Variants in CACNA2D1 observed in about 807,000 individuals in gnomAD.
The protein encoded by CACNA2D1 is voltage-dependent calcium channel subunit alpha-2/delta-1.
CACNA2D1 carries 53 observed loss-of-function variants against 171.5 expected under a neutral mutation model. The ratio of observed to expected loss-of-function variants is 0.31; its 90% CI spans 0.25 to 0.39. The LOEUF (loss-of-function observed/expected upper bound fraction) is 0.39, where lower values mean the gene tolerates loss of function less well. Ranked by LOEUF, CACNA2D1 falls within the 10% of genes least tolerant of loss-of-function variation. The pLI is 1.00. For synonymous variants in CACNA2D1, 442 were observed against 443.1 expected (o/e 1.00, Z 0.03); for missense variants, 903 against 1,299.8 (o/e 0.69, Z 4.69).
intron 3 of CACNA2D1, among the ~76,000 whole-genome samples, chr7:82,274,855 T>TATGAATGAATGA (rs71522608): frequency 0.053 from 7,985 of 150,324 alleles, 270 homozygotes; most frequent in African/African-American, 0.096. Context: ...TACAGGTATT[T>TATGAATGAATGA]ATGAATGAAT....
intron 3 of CACNA2D1, among the ~76,000 whole-genome samples, chr7:82,178,714 A>G (rs539284963): frequency 1.3e-5 from 2 of 152,262 alleles, no homozygotes; most frequent in African/African-American, 4.8e-5. Context: ...CTAAATAGCA[A>G]TATAATTATC....
intron 4 of CACNA2D1, 102 bp downstream of exon 4, chr7:82,170,448 C>T: frequency 1.0e-6 from 1 of 971,848 alleles, no homozygotes; most frequent in Non-Finnish European, 1.7e-6. Context: ...AATCCCACAA[C>T]ATCATAAGAT....
chr7:82,382,769 T>C (rs1165413390), intron 1 of CACNA2D1, among the ~76,000 whole-genome samples: 1 of 152,222 alleles, frequency 6.6e-6, no homozygotes, highest in African/African-American at 2.4e-5. Context: ...ATTATTGGTA[T>C]TTAAAACTAA....
At chr7:82,133,839 G>A (rs146266536) in intron 5 of CACNA2D1, among the ~76,000 whole-genome samples, 12,544 of 152,206 alleles carry the variant, frequency 0.082, 645 homozygotes, top group South Asian at 0.15. Flanking sequence ...TTGGGAGGCC[G>A]AAGCGGGTGG....
intron 32 of CACNA2D1, among the ~76,000 whole-genome samples, chr7:81,964,990 G>A (rs1321611144): frequency 2.0e-5 from 3 of 151,828 alleles, no homozygotes; most frequent in Non-Finnish European, 4.4e-5. Context: ...GGCTGGCCTA[G>A]AAAACGAACT....
chr7:82,290,602 A>AT lies in CACNA2D1; in HGVS notation c.294+44532dup, dbSNP rs1410864152. Among the ~76,000 whole-genome samples, 548 of 144,608 alleles carry AT rather than the reference A, an allele frequency of 3.8e-3. 3 individuals are homozygous for AT. Among genetic ancestry groups the AT allele is most frequent in the African/African-American group, 0.012 (489 of 39,728 alleles). The allele number at this position is 144,608 out of a possible 152,430, so 94.9% of individuals were successfully genotyped here. On this transcript the variant is annotated intron_variant, in intron 3 of 38. Transcript: ENST00000356860. Reference sequence around the variant, plus strand: ...ATTAAAAAAAAAAAAAAAGCCATGAATTTTTTTTTTTGAGAGGGAATTTCG... The same window carrying AT: ...ATTAAAAAAAAAAAAAAAGCCATGAATTTTTTTTTTTTGAGAGGGAATTTCG...
intron 3 of CACNA2D1, among the ~76,000 whole-genome samples, chr7:82,174,027 T>G (rs1362268861): frequency 2.7e-4 from 30 of 110,874 alleles, no homozygotes; most frequent in African/African-American, 1.1e-3. Context: ...TGAGCTATAG[T>G]GCAAGACCCT....
At chr7:82,192,838 T>C (rs1369226430) in intron 3 of CACNA2D1, among the ~76,000 whole-genome samples, 1 of 151,192 alleles carries the variant, frequency 6.6e-6, no homozygotes, top group African/African-American at 2.4e-5. Flanking sequence ...ACATTTGATC[T>C]CCGTACTTTG....
intron 4 of CACNA2D1, among the ~76,000 whole-genome samples, chr7:82,145,408 AT>A (rs1792890359): frequency 6.9e-6 from 1 of 144,406 alleles, no homozygotes; most frequent in African/African-American, 2.5e-5. Context: ...TATATTGCAT[AT>A]TATATATTAT....
intron 20 of CACNA2D1, among the ~76,000 whole-genome samples, chr7:81,991,553 G>A (rs1470525586): frequency 6.6e-6 from 1 of 152,066 alleles, no homozygotes; most frequent in Non-Finnish European, 1.5e-5. Flanking sequence ...TTTAGACAAG[G>A]CTCGGATATG....
intron 7 of CACNA2D1, among the ~76,000 whole-genome samples, chr7:82,077,998 T>C (rs1258705186): frequency 6.6e-6 from 1 of 152,116 alleles, no homozygotes; most frequent in Non-Finnish European, 1.5e-5. Context: ...ATTTAAGAGC[T>C]ATTGGCTACC....
At chr7:82,334,292 C>T (rs374302357) in intron 3 of CACNA2D1, among the ~76,000 whole-genome samples, 2 of 152,084 alleles carry the variant, frequency 1.3e-5, no homozygotes, top group Admixed American at 6.6e-5. Flanking sequence ...AAGCTGACTG[C>T]GAATACCCTA....
At chr7:82,336,993 T>C (rs949622872) in intron 2 of CACNA2D1, among the ~76,000 whole-genome samples, 2 of 152,116 alleles carry the variant, frequency 1.3e-5, no homozygotes, top group African/African-American at 4.8e-5. Flanking sequence ...ATTTATTAAG[T>C]CTCTACATAC....
chr7:82,375,825 T>C (rs970251214), intron 1 of CACNA2D1, among the ~76,000 whole-genome samples: 3 of 152,166 alleles, frequency 2.0e-5, no homozygotes, highest in African/African-American at 7.2e-5. Context: ...CCAAACAGCA[T>C]GTCTTTGAGG....
At chr7:82,324,106 C>T (rs1301810739) in intron 3 of CACNA2D1, among the ~76,000 whole-genome samples, 1 of 152,136 alleles carries the variant, frequency 6.6e-6, no homozygotes, top group African/African-American at 2.4e-5. Context: ...CCTGTAATCC[C>T]CGCACTTTGG....
intron 12 of CACNA2D1, among the ~76,000 whole-genome samples, chr7:82,014,760 T>C (rs1360180846): frequency 1.3e-5 from 2 of 152,122 alleles, no homozygotes; most frequent in South Asian, 2.1e-4. Flanking sequence ...TCATAGAAAG[T>C]ACATCTTTCA....
At chr7:82,417,616 G>C (rs1828302183) in intron 1 of CACNA2D1, among the ~76,000 whole-genome samples, 1 of 152,142 alleles carries the variant, frequency 6.6e-6, no homozygotes, top group Admixed American at 6.5e-5. Flanking sequence ...CTGCATTAAA[G>C]TAAAACCTTA....
chr7:82,315,079 G>A (rs1814947705), intron 3 of CACNA2D1, among the ~76,000 whole-genome samples: 1 of 150,586 alleles, frequency 6.6e-6, no homozygotes, highest in South Asian at 2.1e-4. Context: ...AGAAGTTGCA[G>A]TGAGCCGAGA....
chr7:82,102,301 G>A (rs1175976512), intron 6 of CACNA2D1, among the ~76,000 whole-genome samples: 4 of 151,502 alleles, frequency 2.6e-5, no homozygotes, highest in African/African-American at 7.3e-5. Context: ...GAAACATCTT[G>A]GGGAAAAAAA....
Sources: allele counts gnomAD v4.1 joint callset (sites outside exome capture counted in the v4.1 genomes callset), GRCh38; gene constraint gnomAD v4.1.1; transcripts MANE v1.5; gene names NCBI Gene and HGNC (gene_info 2026-07-23, HGNC 2026-07-21).